CNN3: variants seen among roughly 807,000 people sequenced by gnomAD.
The protein encoded by CNN3 is calponin-3.
In CNN3, 11 loss-of-function variants were observed where a neutral mutation model predicts 39.0. The observed-to-expected ratio is 0.28, with a 90% CI of 0.18 to 0.47. The LOEUF (loss-of-function observed/expected upper bound fraction) is 0.47. Ranked by LOEUF, CNN3 falls within the 20% of genes least tolerant of loss-of-function variation. The pLI, the probability that CNN3 is intolerant of heterozygous loss-of-function variation, is 0.99. For missense variants in CNN3, 266 were observed against 403.4 expected (o/e 0.66, Z 2.92); for synonymous variants, 101 against 138.3 (o/e 0.73, Z 1.89).
chr1:94,921,512 C>T (rs1671442861), intron 1 of CNN3, among the ~76,000 whole-genome samples: 1 of 152,022 alleles, frequency 6.6e-6, no homozygotes, highest in Admixed American at 6.6e-5. Context: ...TGCCGCAGAT[C>T]AGATTCATTA....
At chr1:94,910,992 G>A (rs1671146588) in intron 1 of CNN3, among the ~76,000 whole-genome samples, 1 of 152,162 alleles carries the variant, frequency 6.6e-6, no homozygotes, top group African/African-American at 2.4e-5. Flanking sequence ...CTTTGCTAAA[G>A]CTCTTCTCTC....
chr1:94,926,497 C>T lies in CNN3; in HGVS notation c.57+341G>A, dbSNP rs1265172. On this transcript the variant is annotated intron_variant, in intron 1 of 6. Transcript: ENST00000370206. The surrounding 1 kb of genome is among the most constrained non-coding windows in gnomAD (Gnocchi z 4.2). ...AGGGCGAGTGGCCACGCAGGAGCGC[C>T]CCCTTCCCGGAGGGCGCGTTCTGCA... is the stretch of plus-strand genomic sequence containing the variant. Among the ~76,000 whole-genome samples, 566 of 152,290 alleles carry T rather than the reference C, an allele frequency of 3.7e-3. 4 individuals carry two copies. The highest frequency in any genetic ancestry group is 0.012 in the African/African-American group (509 of 41,578).
intron 1 of CNN3, among the ~76,000 whole-genome samples, chr1:94,906,100 G>A (rs563537432): frequency 6.6e-6 from 1 of 151,996 alleles, no homozygotes; most frequent in East Asian, 1.9e-4. Context: ...CTCCTGCCTC[G>A]GCCTCCCGAA....
chr1:94,922,992 C>T (rs1362965952), intron 1 of CNN3, among the ~76,000 whole-genome samples: 2 of 152,092 alleles, frequency 1.3e-5, no homozygotes, highest in Non-Finnish European at 2.9e-5. Flanking sequence ...TTAGCTTCCT[C>T]CCAAAAAAAC....
At chr1:94,906,530 A>G (rs1671005118) in intron 1 of CNN3, among the ~76,000 whole-genome samples, 1 of 152,210 alleles carries the variant, frequency 6.6e-6, no homozygotes, top group Non-Finnish European at 1.5e-5. Flanking sequence ...CAATCTGAAG[A>G]AAAACATAAT....
chr1:94,907,135 T>TG (rs766334877), intron 1 of CNN3, among the ~76,000 whole-genome samples: 60 of 152,316 alleles, frequency 3.9e-4, no homozygotes, highest in Middle Eastern at 3.4e-3. Context: ...TATGACCACG[T>TG]GCACAGAAGA....
rs555164073 is a variant in CNN3 at position 94,915,887 on chromosome 1, A to C, written c.57+10951T>G. On this transcript the variant is annotated intron_variant, in intron 1 of 6. Coordinates refer to ENST00000370206, the MANE Select transcript of CNN3 (RefSeq NM_001839.5). ...TTTCAGATGAAAAGAGGACTTCTCC[A>C]CATCAGTGCTGCGTTTTCATGGTCC... Among the ~76,000 whole-genome samples the C allele has an allele frequency of 4.6e-5, 7 of 152,228 alleles. No individual in the cohort carries two copies. The East Asian group carries it at 1.2e-3, about 25-fold the overall frequency.
chr1:94,925,202 G>A (rs1249939846), intron 1 of CNN3, among the ~76,000 whole-genome samples: 1 of 152,212 alleles, frequency 6.6e-6, no homozygotes, highest in Non-Finnish European at 1.5e-5. Flanking sequence ...CAATGCAAAA[G>A]GTAGTAGAGA....
At chr1:94,925,839 G>C in intron 1 of CNN3, 3 of 985,024 alleles carry the variant, frequency 3.0e-6, no homozygotes, top group Non-Finnish European at 3.6e-6. Context: ...GACAATGAGC[G>C]TTCTGTGCAC....
Position 94,903,452 on chromosome 1 carries a change from T to C in CNN3, c.130A>G (p.Ile44Val), listed in dbSNP as rs1435554406. ...AAGCCCAGCTGGAAGTTGGGGCCAATGCTCATGCCTGTCACCTCTTCTATC... is the reference window on the plus strand; with the variant it reads ...AAGCCCAGCTGGAAGTTGGGGCCAACGCTCATGCCTGTCACCTCTTCTATC... Reference protein sequence around the residue: ...NWIEEVTGMSIGPNFQLGLKD... With the variant: ...NWIEEVTGMSVGPNFQLGLKD... Residue 44 changes from isoleucine to valine, a missense_variant, in exon 2 of 7, where the codon ATT (isoleucine) becomes GTT (valine). Physicochemically the swap from Ile to Val is conservative, Grantham distance 29 (BLOSUM62 3). Coordinates refer to ENST00000370206, the MANE Select transcript of CNN3 (RefSeq NM_001839.5). 2 of 1,611,878 alleles carry C rather than the reference T, an allele frequency of 1.2e-6. No individual in the cohort carries two copies. Among genetic ancestry groups the C allele is most frequent in the Admixed American group, 1.7e-5 (1 of 59,582 alleles).
intron 5 of CNN3, among the ~76,000 whole-genome samples, chr1:94,901,243 A>G (rs1394219157): frequency 6.6e-6 from 1 of 151,914 alleles, no homozygotes; most frequent in Non-Finnish European, 1.5e-5. Context: ...AATCCCAGCT[A>G]CTTGGCAGGC....
At chr1:94,904,947 G>A (rs1670958228) in intron 1 of CNN3, among the ~76,000 whole-genome samples, 1 of 152,194 alleles carries the variant, frequency 6.6e-6, no homozygotes, top group Non-Finnish European at 1.5e-5. Context: ...AAGACATAGG[G>A]AGGTTTAATC....
intron 1 of CNN3, among the ~76,000 whole-genome samples, chr1:94,911,605 C>T (rs545168594): frequency 2.0e-5 from 3 of 152,160 alleles, no homozygotes; most frequent in African/African-American, 7.2e-5. Context: ...CCTGTCTCTA[C>T]AAAACCCACA....
At chr1:94,904,414 T>C (rs1670944677) in intron 1 of CNN3, among the ~76,000 whole-genome samples, 1 of 152,158 alleles carries the variant, frequency 6.6e-6, no homozygotes, top group African/African-American at 2.4e-5. Context: ...CTATCCCTTG[T>C]CCTGGAGTCC....
chr1:94,925,611 TGA>T (rs1027859737), intron 1 of CNN3: 2 of 985,354 alleles, frequency 2.0e-6, no homozygotes, highest in Non-Finnish European at 2.4e-6. Flanking sequence ...CCTTGGGGTT[TGA>T]CAACGGTGCG....
intron 1 of CNN3, among the ~76,000 whole-genome samples, chr1:94,919,653 T>C (rs140118203): frequency 3.3e-5 from 5 of 152,310 alleles, no homozygotes; most frequent in Non-Finnish European, 7.4e-5. Flanking sequence ...AATGAAGCCA[T>C]AGCCCGCCCA....
chr1:94,920,557 AT>A (rs1268309210), intron 1 of CNN3, among the ~76,000 whole-genome samples: 2 of 152,202 alleles, frequency 1.3e-5, no homozygotes, highest in Non-Finnish European at 2.9e-5. Flanking sequence ...TACATGGATT[AT>A]CTATCTGATT....
rs751895133 is a variant in CNN3, at chr1:94,897,896, G to C, written c.836C>G (p.Pro279Arg). 1.2e-6 allele frequency: 2 copies of C among 1,614,134 alleles called. No individual in the cohort carries two copies. Among genetic ancestry groups the C allele is most frequent in the Non-Finnish European group, 1.7e-6 (2 of 1,180,012 alleles). Residue 279 changes from proline (P) to arginine (R), a missense_variant, in exon 7 of 7, where the codon CCT becomes CGT. Pro to Arg is a moderately radical substitution (Grantham distance 103, BLOSUM62 -2). Transcript: ENST00000370206. ...TCCTTGGCTTCCGTTGTGAATGACAGGTTCTGTAGGAGCAGCACAGTATTT... is the reference window on the plus strand; with the variant it reads ...TCCTTGGCTTCCGTTGTGAATGACACGTTCTGTAGGAGCAGCACAGTATTT... ...DPKYCAAPTE[P>R]VIHNGSQGTG...
Position 94,897,861 on chromosome 1 carries a change from T to C in CNN3, c.871A>G (p.Asn291Asp). The C allele has an allele frequency of 1.2e-6, 2 of 1,614,142 alleles. No homozygotes were observed. The highest frequency in any genetic ancestry group is 1.7e-6 in the Non-Finnish European group (2 of 1,179,996). The change falls in exon 7 of 7, where the codon AAT becomes GAT. Residue 291 changes from asparagine to aspartate, a missense_variant. Coordinates refer to ENST00000370206, the MANE Select transcript of CNN3 (RefSeq NM_001839.5). ...IHNGSQGTGT[N>D]GSEISDSDYQ... Reference sequence around the variant, plus strand: ...TCACTATCACTGATTTCCGAACCATTTGTTCCTGTTCCTTGGCTTCCGTTG... The same window carrying C: ...TCACTATCACTGATTTCCGAACCATCTGTTCCTGTTCCTTGGCTTCCGTTG...
Sources: gnomAD v4.1 joint callset for allele counts (sites outside exome capture counted in the v4.1 genomes callset) on GRCh38, gnomAD v4.1.1 for gene constraint, Gnocchi (gnomAD v3.1) non-coding constraint, MANE v1.5 for transcripts, NCBI Gene and HGNC (gene_info 2026-07-23, HGNC 2026-07-21) for gene names.